C20orf173: variants seen among roughly 807,000 people sequenced by gnomAD.
C20orf173 encodes uncharacterized protein C20orf173.
In C20orf173, 22 loss-of-function variants were observed where a neutral mutation model predicts 26.7. The observed-to-expected ratio is 0.82, with a 90% CI of 0.59 to 1.18. The LOEUF (loss-of-function observed/expected upper bound fraction) is 1.18, where lower values mean the gene tolerates loss of function less well. C20orf173 is among the 50% of genes most tolerant of loss of function. The probability of loss-of-function intolerance (pLI) is 0.00; values close to 1 mark genes in which losing one functional copy is unlikely to be tolerated. For synonymous variants in C20orf173, 85 were observed against 96.4 expected, an observed-to-expected ratio of 0.88 and a Z score of 0.69; for missense variants, 210 against 250.3, an observed-to-expected ratio of 0.84 and a Z score of 1.09.
downstream of C20orf173, among the ~76,000 whole-genome samples, chr20:35,524,681 C>CT (rs1228174831): frequency 2.0e-5 from 3 of 150,458 alleles, no homozygotes; most frequent in Admixed American, 1.3e-4. Context: ...CTAAGACTAC[C>CT]TTTTTTTGTT....
At chr20:35,524,729 G>A (rs1486197692), downstream of C20orf173, among the ~76,000 whole-genome samples, 5 of 135,318 alleles carry the variant, frequency 3.7e-5, no homozygotes, top group Admixed American at 3.1e-4. Context: ...ACAGAATTTC[G>A]CTCTTGTTGC....
downstream of C20orf173, chr20:35,522,664 T>C: frequency 6.5e-6 from 1 of 153,008 alleles, no homozygotes; most frequent in Non-Finnish European, 1.5e-5. Context: ...CCTCCTACCC[T>C]GCACCCACCT....
chr20:35,524,209 C>T (rs982803912), downstream of C20orf173, among the ~76,000 whole-genome samples: 6 of 151,522 alleles, frequency 4.0e-5, no homozygotes, highest in South Asian at 2.1e-4. Context: ...TTAGCAGAGA[C>T]GGGGTTTCAC....
downstream of C20orf173, among the ~76,000 whole-genome samples, chr20:35,521,306 G>A (rs1394207470): frequency 6.6e-6 from 1 of 152,066 alleles, no homozygotes; most frequent in Admixed American, 6.6e-5. Context: ...CTTCTTCAAG[G>A]AAGACAGACT....
At position 35,528,230 on chromosome 20, in the gene C20orf173, C is replaced by T. The variant is rs756224957; in HGVS notation, c.*25+3G>A. 2.1e-5 allele frequency: 32 copies of T among 1,551,760 alleles called. No individual in the cohort carries two copies. Among genetic ancestry groups the T allele is most frequent in the Non-Finnish European group, 2.8e-5 (32 of 1,146,818 alleles). ...TCCTACCCCTTTTCCTATTCCCCCT[C>T]ACCGTGTCTTTGCTATCTTCCACTC... On this transcript the variant is annotated splice_donor_region_variant and intron_variant, in intron 5 of 5. Coordinates refer to ENST00000444723, the MANE Select transcript of C20orf173 (RefSeq NM_001145350.2).
chr20:35,528,085 A>C, intron 5 of C20orf173, 148 bp downstream of exon 5: 1 of 679,220 alleles, frequency 1.5e-6, no homozygotes, highest in Non-Finnish European at 2.6e-6. Context: ...CACAGAACAA[A>C]GCCTTGGGCC....
Position 35,529,319 on chromosome 20 carries a change from G to A in C20orf173, c.55C>T (p.Leu19=). 6.4e-7 allele frequency: 1 copy of A among 1,550,838 alleles called. No individual in the cohort carries two copies. Among genetic ancestry groups the A allele is most frequent in the Non-Finnish European group, 8.7e-7 (1 of 1,146,738 alleles). Residue 19 remains leucine, a synonymous_variant, in exon 2 of 6, where the codon CTG becomes TTG. Transcript: ENST00000444723. ...GTCAGATCCAGATAGGGGGTCATCAGCCAGAGGATGAGCACCCAAAAGACC... is the reference window on the plus strand; with the variant it reads ...GTCAGATCCAGATAGGGGGTCATCAACCAGAGGATGAGCACCCAAAAGACC... ...LWVFWVLILW[L]MTPYLDLTPE... is the part of the protein sequence containing the mutation.
At chr20:35,521,683 A>G (rs1015577203), downstream of C20orf173, among the ~76,000 whole-genome samples, 14 of 150,594 alleles carry the variant, frequency 9.3e-5, no homozygotes, top group Admixed American at 6.7e-5. Flanking sequence ...ATCTTGGCTC[A>G]CCGCAACCTC....
intron 2 of C20orf173, 64 bp downstream of exon 2, chr20:35,529,001 G>T: frequency 6.5e-7 from 1 of 1,535,432 alleles, no homozygotes; most frequent in Non-Finnish European, 8.8e-7. Flanking sequence ...TGGGCGGAAA[G>T]TGGGAGATGG....
downstream of C20orf173, among the ~76,000 whole-genome samples, chr20:35,524,437 T>A (rs2064491956): frequency 6.6e-6 from 1 of 152,194 alleles, no homozygotes; most frequent in Non-Finnish European, 1.5e-5. Context: ...ATACCCAAGT[T>A]ACAATAAGCA....
chr20:35,529,128 C>T lies in C20orf173; in HGVS notation c.246G>A (p.Lys82=), dbSNP rs1359171984. The T allele has an allele frequency of 1.3e-6, 2 of 1,551,586 alleles. No individual in the cohort carries two copies. The highest frequency in any genetic ancestry group is 1.7e-6 in the Non-Finnish European group (2 of 1,147,008). Residue 82 remains lysine, a synonymous_variant, in exon 2 of 6, where the codon AAG becomes AAA. Transcript: ENST00000444723. ...TTGTCCTCATCAGGTACCCCATAGT[C>T]TTCCTGGAGCACGCATCAAGCCAGT... ...EWNWLDACSR[K]TMGYLMRTRE...
downstream of C20orf173, chr20:35,523,531 T>C (rs1367455992): frequency 6.6e-6 from 1 of 152,296 alleles, no homozygotes; most frequent in Admixed American, 6.5e-5. Flanking sequence ...TGCCAAAGCC[T>C]GGCCTAGAGG....
chr20:35,529,158 TTCG>T lies in C20orf173; in HGVS notation c.213_215del (p.Asp71del), dbSNP rs1568862528. 1.9e-6 allele frequency: 3 copies of T among 1,551,688 alleles called. No individual in the cohort carries two copies. The highest frequency in any genetic ancestry group is 2.6e-6 in the Non-Finnish European group (3 of 1,146,990). On this transcript the variant is annotated inframe_deletion, in exon 2 of 6. Coordinates refer to ENST00000444723, the MANE Select transcript of C20orf173 (RefSeq NM_001145350.2). The stretch of plus-strand genomic sequence containing the variant: ...TGGAGCACGCATCAAGCCAGTTCCA[TTCG>T]TCGGCTGTGTGGTGGCAGGAGGAGC...
At chr20:35,527,927 C>G (rs1303308048) in intron 5 of C20orf173, among the ~76,000 whole-genome samples, 1 of 152,164 alleles carries the variant, frequency 6.6e-6, no homozygotes, top group East Asian at 1.9e-4. Context: ...TGTTGGGATA[C>G]AGGCATGAGC....
chr20:35,528,668 C>T (rs1323425247), intron 3 of C20orf173, 33 bp downstream of exon 3: 1 of 1,530,706 alleles, frequency 6.5e-7, no homozygotes. Flanking sequence ...GCAGGCCTGG[C>T]CTTCCTGCTC....
chr20:35,524,775 TGCAA>T (rs2064493988), downstream of C20orf173, among the ~76,000 whole-genome samples: 1 of 151,770 alleles, frequency 6.6e-6, no homozygotes, highest in African/African-American at 2.4e-5. Flanking sequence ...CTCGGCTCAC[TGCAA>T]CCTCTGCCTC....
downstream of C20orf173, among the ~76,000 whole-genome samples, chr20:35,525,111 A>T (rs886830464): frequency 2.8e-5 from 4 of 141,172 alleles, no homozygotes; most frequent in East Asian, 2.0e-4. Context: ...GTGTTACTTT[A>T]AAAAAAAAAA....
intron 4 of C20orf173, 66 bp downstream of exon 4, chr20:35,528,385 C>T: frequency 6.5e-7 from 1 of 1,545,378 alleles, no homozygotes; most frequent in Non-Finnish European, 8.8e-7. Context: ...AGAGCCCCTG[C>T]TGTTACTCCC....
In C20orf173 at chr20:35,528,257, A is replaced by C; in HGVS notation, c.*1T>G. On this transcript the variant is annotated 3_prime_UTR_variant, in exon 5 of 6. Coordinates refer to ENST00000444723, the MANE Select transcript of C20orf173 (RefSeq NM_001145350.2). The stretch of plus-strand genomic sequence containing the variant: ...CCGTGTCTTTGCTATCTTCCACTCC[A>C]CTAGGGAACCAGACCATCTTCCAAA... The C allele has an allele frequency of 6.4e-7, 1 of 1,552,014 alleles. No homozygotes were observed. Among genetic ancestry groups the C allele is most frequent in the Non-Finnish European group, 8.7e-7 (1 of 1,147,060 alleles).
Sources: allele counts gnomAD v4.1 joint callset (sites outside exome capture counted in the v4.1 genomes callset), GRCh38; gene constraint gnomAD v4.1.1; transcripts MANE v1.5; gene names NCBI Gene and HGNC (gene_info 2026-07-23, HGNC 2026-07-21).